The following SLC2A12 variants were observed in gnomAD, a reference collection of about 807,000 sequenced individuals.
The protein encoded by SLC2A12 is solute carrier family 2, facilitated glucose transporter member 12.
Under a neutral mutation model 41.8 loss-of-function variants are expected in SLC2A12, and 23 were observed. The ratio of observed to expected loss-of-function variants is 0.55; its 90% CI spans 0.40 to 0.78. SLC2A12 has a LOEUF of 0.78. SLC2A12 is among the 30% of genes least tolerant of loss of function. The probability of loss-of-function intolerance (pLI) is 0.00; values close to 1 mark genes in which losing one functional copy is unlikely to be tolerated. For synonymous variants in SLC2A12, 295 were observed against 285.9 expected, an observed-to-expected ratio of 1.03 and a Z score of -0.32; for missense variants, 654 against 745.6, an observed-to-expected ratio of 0.88 and a Z score of 1.43.
At position 133,988,340 on chromosome 6, in the gene SLC2A12, G is replaced by A. The variant is rs1210746715; in HGVS notation, c.*2815C>T. 1 of 152,188 alleles carries A rather than the reference G, an allele frequency of 6.6e-6. No homozygotes were observed. The highest frequency in any genetic ancestry group is 1.5e-5 in the Non-Finnish European group (1 of 68,020). 9.4% of individuals were successfully genotyped at this position (152,188 alleles called of 1,614,324 possible). A position where few individuals can be genotyped will look rare whatever the true frequency, so the allele number is the denominator to read the frequency against. On this transcript the variant is annotated 3_prime_UTR_variant, in exon 5 of 5. Transcript: ENST00000275230. ...GCTGTAGTTGTGCCCTGTCATTTAG[G>A]TTTAGGAGTTTAGTGTAACCAACAG...
intron 3 of SLC2A12, among the ~76,000 whole-genome samples, chr6:134,005,988 T>C (rs1163737356): frequency 6.6e-6 from 1 of 151,564 alleles, no homozygotes; most frequent in Admixed American, 6.6e-5. Flanking sequence ...CTGGCCAACA[T>C]GGTGAAATCC....
At chr6:134,052,128 C>T (rs1450653423) in intron 1 of SLC2A12, among the ~76,000 whole-genome samples, 1 of 152,086 alleles carries the variant, frequency 6.6e-6, no homozygotes, top group East Asian at 1.9e-4. Flanking sequence ...ATTTTCTTGG[C>T]ACATAAGGTT....
intron 1 of SLC2A12, among the ~76,000 whole-genome samples, chr6:134,034,274 T>C (rs1315254686): frequency 6.6e-6 from 1 of 152,172 alleles, no homozygotes; most frequent in Non-Finnish European, 1.5e-5. Context: ...GAGTTATATG[T>C]TACAGAATTT....
chr6:134,012,852 T>A (rs990557721), intron 2 of SLC2A12, among the ~76,000 whole-genome samples: 1 of 152,116 alleles, frequency 6.6e-6, no homozygotes, highest in Non-Finnish European at 1.5e-5. Flanking sequence ...ATGCCTGTAG[T>A]CCTAGCTACT....
intron 1 of SLC2A12, among the ~76,000 whole-genome samples, chr6:134,042,621 C>G (rs1562204957): frequency 6.6e-6 from 1 of 151,286 alleles, no homozygotes; most frequent in Non-Finnish European, 1.5e-5. Flanking sequence ...GGAGAGACAC[C>G]AAGAGCTCAG....
chr6:134,004,012 A>C (rs1364880251), intron 3 of SLC2A12, among the ~76,000 whole-genome samples: 26 of 152,226 alleles, frequency 1.7e-4, no homozygotes. Context: ...TGTCATCTAA[A>C]GGTTTTAGAG....
chr6:133,991,176 C>A lies in SLC2A12; in HGVS notation c.1833G>T (p.Arg611Ser), dbSNP rs1466092520. 2 of 1,612,836 alleles carry A rather than the reference C, an allele frequency of 1.2e-6. No homozygotes were observed. Among genetic ancestry groups the A allele is most frequent in the African/African-American group, 2.7e-5 (2 of 74,788 alleles). ...GCCATTAGGTCTCTGGAGAAAGCTGCCTGGATTGGCCCCTACCACACAGCT... is the reference window on the plus strand; with the variant it reads ...GCCATTAGGTCTCTGGAGAAAGCTGACTGGATTGGCCCCTACCACACAGCT... ...CNKLCGRGQS[R>S]QLSPET Residue 611 changes from arginine to serine, a missense_variant, in exon 5 of 5, where the codon AGG (arginine) becomes AGT (serine). Coordinates refer to ENST00000275230, the MANE Select transcript of SLC2A12 (RefSeq NM_145176.3).
chr6:134,023,450 G>A (rs1470806720), intron 2 of SLC2A12, among the ~76,000 whole-genome samples: 3 of 152,186 alleles, frequency 2.0e-5, no homozygotes, highest in African/African-American at 7.2e-5. Context: ...AGAGGAAAAG[G>A]AATTCAGCTT....
chr6:134,028,475 G>A lies in SLC2A12; in HGVS notation c.1350C>T (p.Val450=). 6.2e-7 allele frequency: 1 copy of A among 1,614,230 alleles called. No homozygotes were observed. The highest frequency in any genetic ancestry group is 1.3e-5 in the African/African-American group (1 of 75,066). ...AGLSHTEYQI[V]TDPGDVPAFL... ...AAGCTGGGACGTCCCCAGGGTCTGTGACTATCTGGTATTCAGTGTGGCTTA... is the reference window on the plus strand; with the variant it reads ...AAGCTGGGACGTCCCCAGGGTCTGTAACTATCTGGTATTCAGTGTGGCTTA... Residue 450 remains valine (V), a synonymous_variant, in exon 2 of 5, where the codon GTC becomes GTT. Transcript: ENST00000275230.
chr6:134,014,767 T>C (rs1776933124), intron 2 of SLC2A12, among the ~76,000 whole-genome samples: 1 of 152,220 alleles, frequency 6.6e-6, no homozygotes, highest in South Asian at 2.1e-4. Flanking sequence ...AATTGGAGTA[T>C]AGACTGAGAG....
intron 2 of SLC2A12, among the ~76,000 whole-genome samples, chr6:134,027,923 C>A (rs1777136577): frequency 6.6e-6 from 1 of 152,204 alleles, no homozygotes. Context: ...TCCTCCTTCT[C>A]AGCTCATAAT....
chr6:133,987,646 GTGTA>G lies in SLC2A12; in HGVS notation c.*3505_*3508del, dbSNP rs146405495. 868 of 132,862 alleles carry G rather than the reference GTGTA, an allele frequency of 6.5e-3. 8 individuals are homozygous for G. The highest frequency in any genetic ancestry group is 0.019 in the African/African-American group (691 of 36,136). 8.2% of individuals were successfully genotyped at this position (132,862 alleles called of 1,614,324 possible). ...ATTTTGTGTGTGTGTGTGTGTGTGT[GTGTA>G]TATATATATATATATATGCACCACA... On this transcript the variant is annotated 3_prime_UTR_variant, in exon 5 of 5. Transcript: ENST00000275230.
intron 1 of SLC2A12, among the ~76,000 whole-genome samples, chr6:134,046,928 A>G (rs998421340): frequency 6.6e-6 from 1 of 151,734 alleles, no homozygotes; most frequent in African/African-American, 2.4e-5. Flanking sequence ...AATAATACAG[A>G]AAAAAAATTT....
rs200237371 is a variant in SLC2A12 at position 134,047,391 on chromosome 6, C to T, written c.103+4987G>A. On this transcript the variant is annotated intron_variant, in intron 1 of 4. Coordinates refer to ENST00000275230, the MANE Select transcript of SLC2A12 (RefSeq NM_145176.3). ...AAGGCTAGATAGTACCGAGAAAATGCTCCCTATGAAACCGTGATTCTAAAA... is the reference window on the plus strand; with the variant it reads ...AAGGCTAGATAGTACCGAGAAAATGTTCCCTATGAAACCGTGATTCTAAAA... 3.9e-5 allele frequency among the ~76,000 whole-genome samples: 6 copies of T among 152,252 alleles called. No homozygotes were observed. In the East Asian group the frequency reaches 7.7e-4, roughly 20 times the overall value.
intron 2 of SLC2A12, chr6:134,008,973 T>G (rs1036125942): frequency 6.6e-6 from 1 of 152,322 alleles, no homozygotes; most frequent in African/African-American, 2.4e-5. Context: ...TCAAACCTCC[T>G]TCTTCCCCTC....
At chr6:133,997,350 A>G (rs1185659513) in intron 4 of SLC2A12, among the ~76,000 whole-genome samples, 1 of 152,212 alleles carries the variant, frequency 6.6e-6, no homozygotes, top group Non-Finnish European at 1.5e-5. Flanking sequence ...AGGACACATG[A>G]ACCCATACGT....
chr6:134,022,549 A>AAAAG (rs1324218531), intron 2 of SLC2A12, among the ~76,000 whole-genome samples: 12 of 40,580 alleles, frequency 3.0e-4, no homozygotes, highest in East Asian at 2.6e-3. Flanking sequence ...AAAAGAAAAG[A>AAAAG]AAAGAAAAGA....
chr6:134,043,542 C>A (rs1198823733), intron 1 of SLC2A12, among the ~76,000 whole-genome samples: 1 of 152,182 alleles, frequency 6.6e-6, no homozygotes, highest in South Asian at 2.1e-4. Context: ...CACGTGCAAT[C>A]CCAGCACTTT....
Position 133,990,321 on chromosome 6 carries a change from A to T in SLC2A12, c.*834T>A, listed in dbSNP as rs922319044. On this transcript the variant is annotated 3_prime_UTR_variant, in exon 5 of 5. Transcript: ENST00000275230. ...GCAGCTTTTCTAGGCTTGACTTAAT[A>T]ACTTCAACCTAATTGCTTAGAGATT... The T allele has an allele frequency of 1.3e-5, 2 of 152,634 alleles. No homozygotes were observed. Among genetic ancestry groups the T allele is most frequent in the African/African-American group, 4.8e-5 (2 of 41,438 alleles). 9.5% of individuals were successfully genotyped at this position (152,634 alleles called of 1,614,324 possible).
Sources: allele counts gnomAD v4.1 joint callset (sites outside exome capture counted in the v4.1 genomes callset), GRCh38; gene constraint gnomAD v4.1.1; transcripts MANE v1.5; gene names NCBI Gene and HGNC (gene_info 2026-07-23, HGNC 2026-07-21).